The following CEP57L1 variants were observed in gnomAD, a reference collection of about 807,000 sequenced individuals.
CEP57L1 encodes the protein centrosomal protein 57 like 1.
In CEP57L1, 37 loss-of-function variants were observed where a neutral mutation model predicts 61.0. The observed-to-expected ratio is 0.61, with a 90% CI of 0.47 to 0.80. The LOEUF (loss-of-function observed/expected upper bound fraction) is 0.80. Ranked by LOEUF, CEP57L1 falls within the 30% of genes least tolerant of loss-of-function variation. The pLI is 0.00. For synonymous variants in CEP57L1, 137 were observed against 162.3 expected (o/e 0.84, Z 1.19); for missense variants, 422 against 524.7 (o/e 0.80, Z 1.91).
At chr6:109,136,435 G>C (rs1373305492) in intron 1 of CEP57L1, among the ~76,000 whole-genome samples, 2 of 152,144 alleles carry the variant, frequency 1.3e-5, no homozygotes, top group African/African-American at 2.4e-5. Context: ...GTAGAGGGGA[G>C]CGATAGCATT....
rs879554467 is a variant in CEP57L1 at position 109,128,876 on chromosome 6, T to G, written c.-3-16343T>G. Among the ~76,000 whole-genome samples, 53 of 152,172 alleles carry G rather than the reference T, an allele frequency of 3.5e-4. 1 individual carries two copies. Among genetic ancestry groups the G allele is most frequent in the African/African-American group, 1.2e-3 (51 of 41,444 alleles). On this transcript the variant is annotated intron_variant, in intron 1 of 10. Transcript: ENST00000517392. ...TAAGGTCTGGTAAGCCTTGGTTAGA[T>G]AGCTTATATGTAAGAGTGGAGCACT... is the stretch of plus-strand genomic sequence containing the variant.
At chr6:109,156,120 C>T (rs1446243490) in intron 7 of CEP57L1, 1 of 305,736 alleles carries the variant, frequency 3.3e-6, no homozygotes, top group Non-Finnish European at 6.0e-6. Context: ...TGCTTGACAA[C>T]CAAAGCAAAA....
chr6:109,122,091 TC>T (rs990047244), intron 1 of CEP57L1, among the ~76,000 whole-genome samples: 1 of 152,236 alleles, frequency 6.6e-6, no homozygotes, highest in African/African-American at 2.4e-5. Flanking sequence ...TCAGATTACT[TC>T]AGAAAGGATT....
At position 109,111,000 on chromosome 6, in the gene CEP57L1, G is replaced by C. The variant is rs148969989; in HGVS notation, c.-4+15425G>C. ...GTTCTTTTTGCTTAGGATTGTCTTG[G>C]CTATGCGGGCTCTTTTTTGGTTCCA... On this transcript the variant is annotated intron_variant, in intron 1 of 10. Coordinates refer to ENST00000517392, the MANE Select transcript of CEP57L1 (RefSeq NM_001271852.3). Among the ~76,000 whole-genome samples the C allele has an allele frequency of 5.6e-4, 86 of 152,244 alleles. 2 individuals are homozygous for C. In the East Asian group the frequency reaches 0.016, roughly 28 times the overall value.
At chr6:109,155,997 C>A in intron 7 of CEP57L1, 120 bp downstream of exon 7, 1 of 507,378 alleles carries the variant, frequency 2.0e-6, no homozygotes, top group Non-Finnish European at 3.5e-6. Flanking sequence ...AAAAGACATG[C>A]AATAATGCGT....
Position 109,169,324 on chromosome 6 carries a change from G to A in CEP57L1, c.*6354G>A, listed in dbSNP as rs1484838735. On this transcript the variant is annotated 3_prime_UTR_variant, in exon 11 of 11. Coordinates refer to ENST00000517392, the MANE Select transcript of CEP57L1 (RefSeq NM_001271852.3). ...GTGAGTACGGGTTGTCATTTTTAAT[G>A]TAGCCCTAAATGTTTTTTAGGGAAG... 6.6e-6 allele frequency among the ~76,000 whole-genome samples: 1 copy of A among 150,944 alleles called. No homozygotes were observed. The highest frequency in any genetic ancestry group is 1.5e-5 in the Non-Finnish European group (1 of 67,718).
intron 1 of CEP57L1, among the ~76,000 whole-genome samples, chr6:109,129,093 G>A (rs978721144): frequency 2.6e-5 from 4 of 152,078 alleles, no homozygotes; most frequent in Admixed American, 1.3e-4. Context: ...CCAGCTACTC[G>A]GGAGGCTGAG....
At chr6:109,103,471 T>C (rs1229790213) in intron 1 of CEP57L1, among the ~76,000 whole-genome samples, 2 of 152,216 alleles carry the variant, frequency 1.3e-5, no homozygotes, top group Admixed American at 1.3e-4. Flanking sequence ...GATATTCTTT[T>C]CAGCCCTTCA....
chr6:109,162,576 A>G (rs894586944), intron 10 of CEP57L1, among the ~76,000 whole-genome samples, 173 bp from the exon 11 acceptor site: 1 of 152,138 alleles, frequency 6.6e-6, no homozygotes, highest in Non-Finnish European at 1.5e-5. Flanking sequence ...CTACCTGACA[A>G]GCACAGTGTT....
intron 1 of CEP57L1, among the ~76,000 whole-genome samples, chr6:109,138,174 G>A (rs1255856620): frequency 6.6e-6 from 1 of 152,150 alleles, no homozygotes; most frequent in East Asian, 1.9e-4. Context: ...ATCATTGTAG[G>A]GACTTGAGCT....
At chr6:109,139,466 A>G (rs1036755024) in intron 1 of CEP57L1, among the ~76,000 whole-genome samples, 2 of 150,314 alleles carry the variant, frequency 1.3e-5, no homozygotes, top group East Asian at 2.0e-4. Flanking sequence ...GCCTGGCTGA[A>G]TTTTTTTTTC....
intron 10 of CEP57L1, among the ~76,000 whole-genome samples, chr6:109,161,922 A>G (rs902277774): frequency 4.6e-5 from 7 of 152,254 alleles, no homozygotes; most frequent in African/African-American, 1.7e-4. Context: ...AGTCTGGATC[A>G]GCTCTACAAA....
rs1224508453 is a variant in CEP57L1 at position 109,144,401 on chromosome 6, A to T, written c.-3-818A>T. On this transcript the variant is annotated intron_variant, in intron 1 of 10. Transcript: ENST00000517392. ...TTGCTTAAAATTCTTCCAGTGAGTTATTTTTTTGTAAGCAGTTATCACCTT... is the reference window on the plus strand; with the variant it reads ...TTGCTTAAAATTCTTCCAGTGAGTTTTTTTTTTGTAAGCAGTTATCACCTT... Among the ~76,000 whole-genome samples, 4 of 152,250 alleles carry T rather than the reference A, an allele frequency of 2.6e-5. No individual in the cohort carries two copies. The East Asian group carries it at 7.7e-4, about 29-fold the overall frequency.
intron 1 of CEP57L1, among the ~76,000 whole-genome samples, chr6:109,142,108 G>A (rs1181359660): frequency 6.6e-6 from 1 of 152,136 alleles, no homozygotes; most frequent in African/African-American, 2.4e-5. Flanking sequence ...TGGGTTCTTA[G>A]TTGCAGCCAA....
intron 1 of CEP57L1, among the ~76,000 whole-genome samples, chr6:109,121,557 A>C (rs993751094): frequency 6.6e-6 from 1 of 152,186 alleles, no homozygotes. Flanking sequence ...GGAATACCAA[A>C]TGTCAGACTA....
chr6:109,103,482 A>G (rs902327902), intron 1 of CEP57L1, among the ~76,000 whole-genome samples: 1 of 152,206 alleles, frequency 6.6e-6, no homozygotes, highest in African/African-American at 2.4e-5. Context: ...CAGCCCTTCA[A>G]AAACATATTT....
intron 1 of CEP57L1, among the ~76,000 whole-genome samples, chr6:109,105,884 C>T (rs763606384): frequency 6.6e-6 from 1 of 152,084 alleles, no homozygotes; most frequent in Non-Finnish European, 1.5e-5. Flanking sequence ...CTTGCATTAC[C>T]CCCAGAGCTC....
intron 1 of CEP57L1, among the ~76,000 whole-genome samples, chr6:109,104,033 A>C (rs1008232525): frequency 6.7e-5 from 10 of 150,336 alleles, no homozygotes; most frequent in African/African-American, 2.0e-4. Flanking sequence ...AGTTTGCTTT[A>C]GTTTTTGTTT....
At position 109,136,697 on chromosome 6, in the gene CEP57L1, GTATTTTTATTTTATTT is replaced by G. The variant is rs754498113; in HGVS notation, c.-3-8515_-3-8500del. 1.7e-3 allele frequency among the ~76,000 whole-genome samples: 226 copies of G among 135,212 alleles called. 2 individuals are homozygous for G. The highest frequency in any genetic ancestry group is 7.8e-3 in the Middle Eastern group (2 of 258). The allele number at this position is 135,212 out of a possible 152,430, so 88.7% of individuals were successfully genotyped here. Reference sequence around the variant, plus strand: ...ACCAAAGAAGTCTGCTCTGAAACTTGTATTTTTATTTTATTTTATTTTATTTTATTTTATTTTATTT... The same window carrying G: ...ACCAAAGAAGTCTGCTCTGAAACTTGTATTTTATTTTATTTTATTTTATTT... On this transcript the variant is annotated intron_variant, in intron 1 of 10. Coordinates refer to ENST00000517392, the MANE Select transcript of CEP57L1 (RefSeq NM_001271852.3).
Sources: allele counts gnomAD v4.1 joint callset (sites outside exome capture counted in the v4.1 genomes callset), GRCh38; gene constraint gnomAD v4.1.1; transcripts MANE v1.5; gene names NCBI Gene and HGNC (gene_info 2026-07-23, HGNC 2026-07-21).